The following FRMD5 variants were observed in gnomAD, a reference collection of about 807,000 sequenced individuals.
FRMD5 encodes the protein FERM domain containing 5.
A neutral mutation model predicts 69.0 loss-of-function variants in FRMD5; 20 were observed. That is an observed-to-expected ratio of 0.29 (90% confidence interval 0.20 to 0.42). The LOEUF (loss-of-function observed/expected upper bound fraction) is 0.42, where lower values mean the gene tolerates loss of function less well. Among genes scored for constraint, FRMD5 ranks in the 10% least tolerant of loss-of-function variants. FRMD5 has a pLI of 1.00. For synonymous variants in FRMD5, 271 were observed against 260.1 expected, an observed-to-expected ratio of 1.04 and a Z score of -0.40; for missense variants, 595 against 708.6, an observed-to-expected ratio of 0.84 and a Z score of 1.82.
Position 44,031,395 on chromosome 15 carries a change from G to T in FRMD5, c.103-107086C>A, listed in dbSNP as rs553898068. Among the ~76,000 whole-genome samples, 111 of 152,266 alleles carry T rather than the reference G, an allele frequency of 7.3e-4. 2 individuals carry two copies. In the South Asian group the frequency reaches 0.023, roughly 31 times the overall value. On this transcript the variant is annotated intron_variant, in intron 1 of 13. Coordinates refer to ENST00000417257, the MANE Select transcript of FRMD5 (RefSeq NM_032892.5). ...TAACCTGGGTGGCTTATAAACAACA[G>T]AAATTTATTTCTCATAGTTCTGGAG...
intron 1 of FRMD5, among the ~76,000 whole-genome samples, chr15:44,191,926 A>C (rs1407192497): frequency 1.4e-4 from 8 of 55,862 alleles, no homozygotes; most frequent in African/African-American, 5.6e-4. Context: ...TATATATTAT[A>C]TATATATATA....
At chr15:43,938,834 T>G (rs2089809723) in intron 1 of FRMD5, among the ~76,000 whole-genome samples, 1 of 152,172 alleles carries the variant, frequency 6.6e-6, no homozygotes, top group Non-Finnish European at 1.5e-5. Context: ...TTTTTTTTCT[T>G]AATGACACCA....
chr15:43,878,727 T>G (rs746351276), intron 13 of FRMD5, among the ~76,000 whole-genome samples: 6 of 152,168 alleles, frequency 3.9e-5, no homozygotes, highest in Non-Finnish European at 7.4e-5. Context: ...AAGACAGCTC[T>G]GACTGCAGGA....
chr15:44,111,571 C>T (rs2076796636), intron 1 of FRMD5, among the ~76,000 whole-genome samples: 6 of 152,164 alleles, frequency 3.9e-5, no homozygotes, highest in Admixed American at 3.9e-4. Flanking sequence ...AAGTCTCAGG[C>T]TGAAAAAGGA....
intron 7 of FRMD5, among the ~76,000 whole-genome samples, chr15:43,899,333 G>C (rs905260476): frequency 3.3e-5 from 5 of 152,156 alleles, no homozygotes; most frequent in Admixed American, 1.3e-4. Context: ...ATAGGGCCCT[G>C]ACATGGCCCT....
At chr15:44,119,172 G>A (rs1161383580) in intron 1 of FRMD5, among the ~76,000 whole-genome samples, 2 of 152,014 alleles carry the variant, frequency 1.3e-5, no homozygotes, top group Non-Finnish European at 2.9e-5. Context: ...GCCCAAGCTG[G>A]TGTCAAACTC....
chr15:43,922,550 C>T (rs1181845964), intron 2 of FRMD5, among the ~76,000 whole-genome samples: 1 of 152,150 alleles, frequency 6.6e-6, no homozygotes, highest in Non-Finnish European at 1.5e-5. Context: ...TATTCTCTTA[C>T]TCTCCTCAAG....
chr15:44,177,438 T>C (rs972760480), intron 1 of FRMD5, among the ~76,000 whole-genome samples: 8 of 152,118 alleles, frequency 5.3e-5, no homozygotes, highest in African/African-American at 1.9e-4. Flanking sequence ...AAAAACATTA[T>C]ACTAAGTGAA....
chr15:43,995,367 C>G (rs764641616), intron 1 of FRMD5, among the ~76,000 whole-genome samples: 15 of 152,206 alleles, frequency 9.9e-5, no homozygotes, highest in Non-Finnish European at 1.5e-4. Context: ...GACCCTGCAG[C>G]TACAAAGGGC....
At chr15:44,158,675 C>G (rs552041432) in intron 1 of FRMD5, among the ~76,000 whole-genome samples, 1 of 152,214 alleles carries the variant, frequency 6.6e-6, no homozygotes, top group Non-Finnish European at 1.5e-5. Context: ...CCATGAATAC[C>G]TAATGTAAAG....
At position 43,993,545 on chromosome 15, in the gene FRMD5, A is replaced by G. The variant is rs751349482; in HGVS notation, c.103-69236T>C. On this transcript the variant is annotated intron_variant, in intron 1 of 13. Transcript: ENST00000417257. ...TTCCATGTGTGCTAGAGAAGAATGT[A>G]TATGATGTTGCTGCTGGATGCAATG... Among the ~76,000 whole-genome samples the G allele has an allele frequency of 4.4e-4, 67 of 152,202 alleles. 1 individual carries two copies. The highest frequency in any genetic ancestry group is 2.0e-4 in the Admixed American group (3 of 15,280).
chr15:43,999,338 G>C (rs1049622633), intron 1 of FRMD5, among the ~76,000 whole-genome samples: 1 of 152,144 alleles, frequency 6.6e-6, no homozygotes, highest in African/African-American at 2.4e-5. Flanking sequence ...AAAGTGCTAG[G>C]ATTACAGGTG....
intron 1 of FRMD5, among the ~76,000 whole-genome samples, chr15:44,090,130 C>T (rs868685350): frequency 1.3e-5 from 2 of 152,182 alleles, no homozygotes; most frequent in African/African-American, 4.8e-5. Context: ...AAGTTGAGGC[C>T]AAGAATCTGA....
Position 44,054,119 on chromosome 15 carries a change from A to C in FRMD5, c.103-129810T>G, listed in dbSNP as rs537797904. Among the ~76,000 whole-genome samples the C allele has an allele frequency of 1.8e-3, 275 of 152,346 alleles. 3 individuals carry two copies. Among genetic ancestry groups the C allele is most frequent in the Non-Finnish European group, 1.9e-3 (129 of 68,034 alleles). On this transcript the variant is annotated intron_variant, in intron 1 of 13. Coordinates refer to ENST00000417257, the MANE Select transcript of FRMD5 (RefSeq NM_032892.5). The stretch of plus-strand genomic sequence containing the variant: ...CTTCTCATGTTCAACTGCTTTATGT[A>C]ATGTATATATGATCACTTATGTCTT...
intron 1 of FRMD5, among the ~76,000 whole-genome samples, chr15:43,966,359 G>A (rs1213716207): frequency 6.6e-6 from 1 of 152,116 alleles, no homozygotes; most frequent in Non-Finnish European, 1.5e-5. Context: ...GGGAGACAGA[G>A]TGAGACCCTG....
chr15:43,894,522 C>T (rs1158955654), intron 7 of FRMD5, among the ~76,000 whole-genome samples: 1 of 151,860 alleles, frequency 6.6e-6, no homozygotes, highest in African/African-American at 2.4e-5. Flanking sequence ...AGAGGTGAGG[C>T]AGAGGCACGG....
chr15:44,094,841 A>C (rs2076527492), intron 1 of FRMD5, among the ~76,000 whole-genome samples: 1 of 152,096 alleles, frequency 6.6e-6, no homozygotes, highest in South Asian at 2.1e-4. Flanking sequence ...TTCATCCACA[A>C]ATTTCAATTG....
rs140663625 is a variant in FRMD5, at chr15:44,019,083, C to T, written c.103-94774G>A. Among the ~76,000 whole-genome samples, 836 of 152,028 alleles carry T rather than the reference C, an allele frequency of 5.5e-3. 1 individual carries two copies. The highest frequency in any genetic ancestry group is 8.0e-3 in the Non-Finnish European group (544 of 67,968). On this transcript the variant is annotated intron_variant, in intron 1 of 13. Coordinates refer to ENST00000417257, the MANE Select transcript of FRMD5 (RefSeq NM_032892.5). ...CTAATTTTTGTATTTTTAGTAGAGACGGAGTTTTGCCATGTTAGCCAGACT... is the reference window on the plus strand; with the variant it reads ...CTAATTTTTGTATTTTTAGTAGAGATGGAGTTTTGCCATGTTAGCCAGACT...
intron 1 of FRMD5, among the ~76,000 whole-genome samples, chr15:44,135,823 C>CAA (rs747196640): frequency 4.1e-4 from 29 of 70,842 alleles, no homozygotes; most frequent in East Asian, 1.2e-3. Flanking sequence ...GACTCTGTCT[C>CAA]AAAAAAAAAA....
Sources: gnomAD v4.1 joint callset for allele counts (sites outside exome capture counted in the v4.1 genomes callset) on GRCh38, gnomAD v4.1.1 for gene constraint, MANE v1.5 for transcripts, NCBI Gene and HGNC (gene_info 2026-07-23, HGNC 2026-07-21) for gene names.